Variants in RHOU observed in about 807,000 individuals in gnomAD.
RHOU encodes rho-related GTP-binding protein RhoU.
Under a neutral mutation model 12.6 loss-of-function variants are expected in RHOU, and 8 were observed. The ratio of observed to expected loss-of-function variants is 0.64; its 90% CI spans 0.37 to 1.15. The LOEUF (loss-of-function observed/expected upper bound fraction) is 1.15, where lower values mean the gene tolerates loss of function less well. Among genes scored for constraint, RHOU ranks in the 50% most tolerant of loss-of-function variants. RHOU has a pLI of 0.01. For synonymous variants in RHOU, 161 were observed against 147.4 expected (o/e 1.09, Z -0.67); for missense variants, 258 against 347.0 (o/e 0.74, Z 2.04).
At chr1:228,690,542 G>A in the RHOU span, among the ~76,000 whole-genome samples, 5 of 151,532 alleles carry the variant, frequency 3.3e-5, no homozygotes, top group East Asian at 1.9e-4. Context: ...GGCTGGTCTC[G>A]AACTCCTGAC....
At position 228,736,013 on chromosome 1, in the gene RHOU, G is replaced by A. The variant is rs751676013; in HGVS notation, c.262+9G>A. 1.9e-6 allele frequency: 3 copies of A among 1,571,454 alleles called. No individual in the cohort carries two copies. Among genetic ancestry groups the A allele is most frequent in the South Asian group, 1.1e-5 (1 of 89,674 alleles). On this transcript the variant is annotated intron_variant, in intron 1 of 2. Coordinates refer to ENST00000366691, the MANE Select transcript of RHOU (RefSeq NM_021205.6). Reference sequence around the variant, plus strand: ...CTTCGACAACTTCTCCGGTGAGCTGGCCGGGGGGCCGGGGCCGGGGGCGCG... The same window carrying A: ...CTTCGACAACTTCTCCGGTGAGCTGACCGGGGGGCCGGGGCCGGGGGCGCG...
At position 228,743,938 on chromosome 1, in the gene RHOU, T is replaced by G; in HGVS notation, c.*198T>G. On this transcript the variant is annotated 3_prime_UTR_variant, in exon 3 of 3. Coordinates refer to ENST00000366691, the MANE Select transcript of RHOU (RefSeq NM_021205.6). The surrounding 1 kb of genome is among the most constrained non-coding windows in gnomAD (Gnocchi z 5.1). ...TTTGAGCTTAGGGATGAGATACTTA[T>G]GCAAGATATTTTTGAAGTAAATTAA... 1.9e-6 allele frequency: 1 copy of G among 532,258 alleles called. No individual in the cohort carries two copies. The highest frequency in any genetic ancestry group is 3.3e-6 in the Non-Finnish European group (1 of 305,570). The allele number at this position is 532,258 out of a possible 1,614,324, so 33.0% of individuals were successfully genotyped here.
chr1:228,722,857 G>A, the RHOU span, among the ~76,000 whole-genome samples: 7 of 152,094 alleles, frequency 4.6e-5, no homozygotes, highest in Non-Finnish European at 1.0e-4. Context: ...TCCTGACTTC[G>A]TGATCTGCCC....
the RHOU span, among the ~76,000 whole-genome samples, chr1:228,655,991 G>A: frequency 0.012 from 1,791 of 152,292 alleles, 40 homozygotes; most frequent in African/African-American, 0.041. Flanking sequence ...GCAACTGCCT[G>A]ACAATCTTGG....
At chr1:228,724,798 T>G in the RHOU span, among the ~76,000 whole-genome samples, 2 of 152,220 alleles carry the variant, frequency 1.3e-5, no homozygotes, top group Non-Finnish European at 2.9e-5. Context: ...TGGCCTATAG[T>G]AAGGTGAAGG....
At chr1:228,648,237 C>G in the RHOU span, among the ~76,000 whole-genome samples, 1 of 152,234 alleles carries the variant, frequency 6.6e-6, no homozygotes, top group African/African-American at 2.4e-5. Flanking sequence ...TAGAGCCTTC[C>G]GTGATTGCTT....
the RHOU span, among the ~76,000 whole-genome samples, chr1:228,711,695 C>T: frequency 6.6e-5 from 10 of 152,086 alleles, no homozygotes; most frequent in African/African-American, 2.4e-4. Flanking sequence ...AGACCTAAAA[C>T]CATAAAAACC....
At chr1:228,681,760 T>C in the RHOU span, among the ~76,000 whole-genome samples, 1 of 152,054 alleles carries the variant, frequency 6.6e-6, no homozygotes, top group African/African-American at 2.4e-5. Context: ...TTTAAGCTCT[T>C]GAGAACACAG....
the RHOU span, among the ~76,000 whole-genome samples, chr1:228,649,029 T>C: frequency 6.6e-6 from 1 of 152,078 alleles, no homozygotes. Context: ...CTCGCCTGGC[T>C]AGTTTTTGTA....
At chr1:228,722,219 G>A in the RHOU span, among the ~76,000 whole-genome samples, 2 of 152,196 alleles carry the variant, frequency 1.3e-5, no homozygotes, top group African/African-American at 4.8e-5. Context: ...GTTTTTGGCA[G>A]ATAGCTTTTC....
chr1:228,739,738 T>C (rs1026852662), intron 2 of RHOU, among the ~76,000 whole-genome samples: 7 of 152,224 alleles, frequency 4.6e-5, no homozygotes, highest in African/African-American at 1.4e-4. Flanking sequence ...TGCCCCAGGA[T>C]GTCACTCAAA....
At chr1:228,689,061 G>A in the RHOU span, among the ~76,000 whole-genome samples, 5 of 152,124 alleles carry the variant, frequency 3.3e-5, no homozygotes, top group Admixed American at 6.6e-5. Context: ...CTCCTTCTCC[G>A]CCTGAACAGT....
At chr1:228,695,789 A>G in the RHOU span, among the ~76,000 whole-genome samples, 1 of 152,054 alleles carries the variant, frequency 6.6e-6, no homozygotes, top group Non-Finnish European at 1.5e-5. Context: ...GTTTTTATGG[A>G]GGATTCATTA....
chr1:228,712,301 C>T, the RHOU span, among the ~76,000 whole-genome samples: 2 of 148,596 alleles, frequency 1.3e-5, no homozygotes, highest in East Asian at 4.0e-4. Context: ...CCAGCCATCC[C>T]ATTACTGGGT....
At chr1:228,736,420 C>A (rs1309927777) in intron 1 of RHOU, among the ~76,000 whole-genome samples, 1 of 152,162 alleles carries the variant, frequency 6.6e-6, no homozygotes, top group African/African-American at 2.4e-5. Context: ...AGGTGACGCG[C>A]AGGTGCCTTT....
chr1:228,740,202 A>C (rs1021993281), intron 2 of RHOU, among the ~76,000 whole-genome samples: 1 of 152,234 alleles, frequency 6.6e-6, no homozygotes, highest in Admixed American at 6.5e-5. Context: ...TGCACAAAAA[A>C]GTTTATAATT....
At chr1:228,708,019 C>T in the RHOU span, among the ~76,000 whole-genome samples, 1 of 151,988 alleles carries the variant, frequency 6.6e-6, no homozygotes, top group Non-Finnish European at 1.5e-5. Context: ...ATGCAGAAGC[C>T]TCAGGAGCTG....
the RHOU span, among the ~76,000 whole-genome samples, chr1:228,647,383 G>A: frequency 2.0e-5 from 3 of 152,334 alleles, no homozygotes; most frequent in South Asian, 4.2e-4. Flanking sequence ...CGCGTCCGGA[G>A]GCCTGGGTCT....
chr1:228,712,374 G>A, the RHOU span, among the ~76,000 whole-genome samples: 3 of 150,706 alleles, frequency 2.0e-5, no homozygotes, highest in African/African-American at 7.4e-5. Flanking sequence ...TGTTTATTGC[G>A]GCATTATTCA....
Sources: gnomAD v4.1 joint callset for allele counts (sites outside exome capture counted in the v4.1 genomes callset) on GRCh38, gnomAD v4.1.1 for gene constraint, Gnocchi (gnomAD v3.1) non-coding constraint, MANE v1.5 for transcripts, NCBI Gene and HGNC (gene_info 2026-07-23, HGNC 2026-07-21) for gene names.